PCDH7: variants seen among roughly 807,000 people sequenced by gnomAD.
PCDH7 encodes protocadherin 7.
PCDH7 carries 17 observed loss-of-function variants against 58.9 expected under a neutral mutation model. The ratio of observed to expected loss-of-function variants is 0.29; its 90% CI spans 0.20 to 0.43. The LOEUF is 0.43. PCDH7 is among the 20% of genes least tolerant of loss of function. The pLI is 1.00. For missense variants in PCDH7, 1,274 were observed against 1,441.0 expected (o/e 0.88, Z 1.88); for synonymous variants, 664 against 616.4 (o/e 1.08, Z -1.14).
chr4:31,083,860 C>T (rs1177849907), intron 3 of PCDH7, among the ~76,000 whole-genome samples: 2 of 152,118 alleles, frequency 1.3e-5, no homozygotes, highest in Non-Finnish European at 2.9e-5. Context: ...CACATTCCTC[C>T]CCAGTCCATT....
At chr4:31,106,721 A>G (rs1715626207) in intron 3 of PCDH7, among the ~76,000 whole-genome samples, 1 of 152,212 alleles carries the variant, frequency 6.6e-6, no homozygotes, top group Admixed American at 6.5e-5. Context: ...GGAAAACAAT[A>G]CTGGGTGAAT....
chr4:30,808,588 T>C (rs1463047107), intron 1 of PCDH7, among the ~76,000 whole-genome samples: 1 of 152,158 alleles, frequency 6.6e-6, no homozygotes, highest in East Asian at 1.9e-4. Flanking sequence ...CTGTTTTTCA[T>C]ATAAGCAATT....
chr4:31,121,727 AATTT>A (rs1439167515), intron 3 of PCDH7, among the ~76,000 whole-genome samples: 1 of 152,274 alleles, frequency 6.6e-6, no homozygotes, highest in Non-Finnish European at 1.5e-5. Flanking sequence ...CTCTCATAAA[AATTT>A]ATTTGTTTTA....
At chr4:30,836,920 C>T (rs902133412) in intron 1 of PCDH7, among the ~76,000 whole-genome samples, 8 of 152,274 alleles carry the variant, frequency 5.3e-5, no homozygotes, top group African/African-American at 1.9e-4. Context: ...TTATCACCGA[C>T]TCACTTTAAA....
At chr4:30,997,957 A>G (rs1752048193) in intron 3 of PCDH7, among the ~76,000 whole-genome samples, 1 of 152,082 alleles carries the variant, frequency 6.6e-6, no homozygotes, top group Non-Finnish European at 1.5e-5. Context: ...CTCTAAAGGA[A>G]CCAAGTGTTA....
chr4:31,004,642 C>G (rs1752622968), intron 3 of PCDH7, among the ~76,000 whole-genome samples: 1 of 151,940 alleles, frequency 6.6e-6, no homozygotes, highest in Non-Finnish European at 1.5e-5. Flanking sequence ...GCCGAGATCC[C>G]GACACTGCAC....
At chr4:30,997,086 T>C (rs1020457068) in intron 3 of PCDH7, among the ~76,000 whole-genome samples, 5 of 152,076 alleles carry the variant, frequency 3.3e-5, no homozygotes, top group Non-Finnish European at 7.4e-5. Context: ...CTTTTCTTTT[T>C]TTTTTTTGTT....
At chr4:31,090,692 A>G (rs114696024) in intron 3 of PCDH7, among the ~76,000 whole-genome samples, 9 of 152,200 alleles carry the variant, frequency 5.9e-5, no homozygotes, top group South Asian at 2.1e-4. Flanking sequence ...CTATAACTCA[A>G]CATCAACTTT....
chr4:30,814,007 C>T (rs543126429), intron 1 of PCDH7, among the ~76,000 whole-genome samples: 13 of 151,946 alleles, frequency 8.6e-5, no homozygotes, highest in Admixed American at 2.0e-4. Flanking sequence ...TATCTGTGAC[C>T]GAAGCTATGA....
chr4:30,805,773 A>T (rs1726121321), intron 1 of PCDH7, among the ~76,000 whole-genome samples: 1 of 152,140 alleles, frequency 6.6e-6, no homozygotes, highest in Non-Finnish European at 1.5e-5. Flanking sequence ...AAATCTGACC[A>T]CTGTTCATCA....
In PCDH7 at chr4:30,875,081, A is replaced by G. The variant is rs374497185; in HGVS notation, c.71-45072A>G. 4.6e-5 allele frequency among the ~76,000 whole-genome samples: 7 copies of G among 152,114 alleles called. No individual in the cohort carries two copies. The East Asian group carries it at 9.6e-4, about 21-fold the overall frequency. The stretch of plus-strand genomic sequence containing the variant: ...GTATTAGTTTGCTAGCACTGTTATA[A>G]CAAAATACTACACACCTAAACAACA... On this transcript the variant is annotated intron_variant, in intron 1 of 3. Transcript: ENST00000509759.
chr4:30,882,127 C>T (rs1315014934), intron 1 of PCDH7, among the ~76,000 whole-genome samples: 1 of 124,948 alleles, frequency 8.0e-6, no homozygotes, highest in African/African-American at 3.0e-5. Context: ...CCTCCCGTTT[C>T]TCTCCCTCTT....
intron 3 of PCDH7, among the ~76,000 whole-genome samples, chr4:31,060,881 A>G (rs1757638013): frequency 6.6e-6 from 1 of 151,750 alleles, no homozygotes; most frequent in Non-Finnish European, 1.5e-5. Context: ...AGCACATAAC[A>G]TGCATCTATT....
Position 31,022,574 on chromosome 4 carries a change from A to C in PCDH7, c.*7+72359A>C, listed in dbSNP as rs1054776458. On this transcript the variant is annotated intron_variant, in intron 3 of 3. Coordinates refer to the PCDH7 transcript ENST00000509759. ...CTTGGATCAGAGATAGACCACATAA[A>C]TGTCAAAAAGAGATTTTAACCCAGG... is the stretch of plus-strand genomic sequence containing the variant. Among the ~76,000 whole-genome samples, 66 of 152,178 alleles carry C rather than the reference A, an allele frequency of 4.3e-4. 2 individuals carry two copies. The highest frequency in any genetic ancestry group is 5.9e-5 in the Non-Finnish European group (4 of 68,012).
chr4:30,797,215 C>T (rs535853171), intron 1 of PCDH7, among the ~76,000 whole-genome samples: 1 of 151,960 alleles, frequency 6.6e-6, no homozygotes, highest in South Asian at 2.1e-4. Context: ...GGATTACAGG[C>T]GTTAGCCACC....
intron 3 of PCDH7, among the ~76,000 whole-genome samples, chr4:31,013,592 T>TACACAC (rs138674335): frequency 0.037 from 5,345 of 146,388 alleles, 99 homozygotes; most frequent in Middle Eastern, 0.08. Flanking sequence ...ATATATTTTA[T>TACACAC]ACACACACAC....
intron 1 of PCDH7, among the ~76,000 whole-genome samples, chr4:30,874,708 AT>A (rs1219509709): frequency 2.3e-5 from 3 of 131,582 alleles, no homozygotes; most frequent in Non-Finnish European, 5.0e-5. Flanking sequence ...AAATAAAAAA[AT>A]AGTGAAATTG....
At chr4:30,853,027 T>G (rs1428266897) in intron 1 of PCDH7, among the ~76,000 whole-genome samples, 1 of 151,942 alleles carries the variant, frequency 6.6e-6, no homozygotes. Context: ...TTACGGTAGA[T>G]CCATGTTATT....
chr4:31,022,822 G>A (rs894905251), intron 3 of PCDH7, among the ~76,000 whole-genome samples: 1 of 152,120 alleles, frequency 6.6e-6, no homozygotes, highest in East Asian at 1.9e-4. Context: ...CTTACACATA[G>A]GGGTAGAAAT....
Sources: allele counts gnomAD v4.1 joint callset (sites outside exome capture counted in the v4.1 genomes callset), GRCh38; gene constraint gnomAD v4.1.1; transcripts MANE v1.5; gene names NCBI Gene and HGNC (gene_info 2026-07-23, HGNC 2026-07-21).